Variants in PTH2R observed in about 807,000 individuals in gnomAD.
PTH2R encodes the protein PTH2 receptor.
In PTH2R, 59 loss-of-function variants were observed where a neutral mutation model predicts 60.3. That is an observed-to-expected ratio of 0.98 (90% CI 0.79 to 1.22). The LOEUF is 1.22. PTH2R is among the 50% of genes most tolerant of loss of function. The pLI, the probability that PTH2R is intolerant of heterozygous loss-of-function variation, is 0.00. For synonymous variants in PTH2R, 256 were observed against 243.8 expected (o/e 1.05, Z -0.47); for missense variants, 749 against 682.6 (o/e 1.10, Z -1.08).
rs1700532783 is a variant in PTH2R, at chr2:208,364,076, G to T, written c.-259+3839G>T. Among the ~76,000 whole-genome samples, 6 of 152,152 alleles carry T rather than the reference G, an allele frequency of 3.9e-5. No individual in the cohort carries two copies. The South Asian group carries it at 1.2e-3, about 32-fold the overall frequency. ...TCCATTTTAAAAAATAGAGTAATTT[G>T]ATTATTTTGTTGTTGAATTGTAGGA... On this transcript the variant is annotated intron_variant, in intron 1 of 12. Transcript: ENST00000617735.
intron 1 of PTH2R, among the ~76,000 whole-genome samples, chr2:208,379,639 CA>C (rs1029070371): frequency 2.5e-5 from 3 of 117,822 alleles, no homozygotes; most frequent in Admixed American, 9.6e-5. Context: ...GTGGGCGGAT[CA>C]CTTGAGGTCA....
At chr2:208,438,966 T>C (rs911225495) in intron 4 of PTH2R, among the ~76,000 whole-genome samples, 14 of 152,184 alleles carry the variant, frequency 9.2e-5, no homozygotes, top group Admixed American at 8.5e-4. Flanking sequence ...GATTGTTAGG[T>C]ACTCTACAAT....
chr2:208,449,549 C>A lies in PTH2R; in HGVS notation c.854-1200C>A, dbSNP rs570861123. On this transcript the variant is annotated intron_variant, in intron 7 of 12. Transcript: ENST00000272847. Reference sequence around the variant, plus strand: ...ATTTTGACAAAAAATTCCTAGAACACAGAATTTGAGCAGATTAAAGAAAGA... The same window carrying A: ...ATTTTGACAAAAAATTCCTAGAACAAAGAATTTGAGCAGATTAAAGAAAGA... Among the ~76,000 whole-genome samples the A allele has an allele frequency of 3.3e-5, 5 of 151,932 alleles. 1 individual carries two copies. The highest frequency in any genetic ancestry group is 1.2e-4 in the African/African-American group (5 of 41,460).
chr2:208,459,175 T>A (rs10167699), intron 8 of PTH2R, among the ~76,000 whole-genome samples: 5 of 151,938 alleles, frequency 3.3e-5, no homozygotes, highest in Admixed American at 6.6e-5. Context: ...TATCTCATTG[T>A]GGTTTTGATT....
At chr2:208,483,714 CTAAT>C (rs1703211336) in intron 10 of PTH2R, among the ~76,000 whole-genome samples, 1 of 152,150 alleles carries the variant, frequency 6.6e-6, no homozygotes, top group Non-Finnish European at 1.5e-5. Context: ...ACAGTTTAGA[CTAAT>C]AGAAGTCAGA....
chr2:208,407,816 C>T lies in PTH2R; in HGVS notation c.75+698C>T, dbSNP rs915543381. Among the ~76,000 whole-genome samples the T allele has an allele frequency of 6.6e-5, 10 of 151,918 alleles. No individual in the cohort carries two copies. The East Asian group carries it at 1.2e-3, about 18-fold the overall frequency. Reference sequence around the variant, plus strand: ...GCTTTTCAGATGAGCTAGAGAGATGCGTGTAGTGGTGGATGTTATGCAGTT... The same window carrying T: ...GCTTTTCAGATGAGCTAGAGAGATGTGTGTAGTGGTGGATGTTATGCAGTT... On this transcript the variant is annotated intron_variant, in intron 1 of 12. Transcript: ENST00000272847.
intron 1 of PTH2R, among the ~76,000 whole-genome samples, chr2:208,400,050 G>T (rs1701279751): frequency 2.0e-5 from 3 of 152,044 alleles, no homozygotes; most frequent in African/African-American, 7.2e-5. Flanking sequence ...ATTTCAATAG[G>T]TCTCCAGTTA....
chr2:208,481,532 G>T (rs1703153199), intron 10 of PTH2R, among the ~76,000 whole-genome samples: 1 of 152,000 alleles, frequency 6.6e-6, no homozygotes, highest in South Asian at 2.1e-4. Context: ...TTTAAGTAAA[G>T]AACAGATATA....
At chr2:208,462,251 G>A (rs1244908795) in intron 9 of PTH2R, among the ~76,000 whole-genome samples, 1 of 152,120 alleles carries the variant, frequency 6.6e-6, no homozygotes, top group African/African-American at 2.4e-5. Flanking sequence ...AGAAGGCTGA[G>A]TTAAGAAGGA....
At chr2:208,456,952 A>G (rs1479325010) in intron 8 of PTH2R, among the ~76,000 whole-genome samples, 1 of 152,230 alleles carries the variant, frequency 6.6e-6, no homozygotes, top group Non-Finnish European at 1.5e-5. Flanking sequence ...TCATGTTTTT[A>G]GAGGTAGCTG....
chr2:208,374,125 A>G (rs755838998), intron 1 of PTH2R, among the ~76,000 whole-genome samples: 10 of 151,928 alleles, frequency 6.6e-5, no homozygotes, highest in Non-Finnish European at 1.3e-4. Flanking sequence ...TTGACTATCA[A>G]AATACTTTCA....
chr2:208,453,199 C>T (rs1574887090), intron 8 of PTH2R, among the ~76,000 whole-genome samples: 1 of 152,180 alleles, frequency 6.6e-6, no homozygotes, highest in Admixed American at 6.5e-5. Context: ...TTATCACCTA[C>T]CATTAACTTT....
At chr2:208,365,058 T>TG (rs1700550957) in intron 1 of PTH2R, among the ~76,000 whole-genome samples, 1 of 152,008 alleles carries the variant, frequency 6.6e-6, no homozygotes, top group African/African-American at 2.4e-5. Flanking sequence ...TAACCTGTTT[T>TG]TTTTTTTTGG....
At chr2:208,441,056 A>G (rs1702170788) in intron 4 of PTH2R, among the ~76,000 whole-genome samples, 3 of 152,204 alleles carry the variant, frequency 2.0e-5, no homozygotes, top group East Asian at 1.9e-4. Context: ...CTAGAGATGC[A>G]TAGTTCCCAG....
intron 1 of PTH2R, among the ~76,000 whole-genome samples, chr2:208,420,576 TTAAAC>T (rs1701734789): frequency 6.6e-6 from 1 of 152,218 alleles, no homozygotes; most frequent in Admixed American, 6.5e-5. Context: ...GTTATAGTCA[TTAAAC>T]TAAACAATTC....
At chr2:208,471,424 C>A (rs1473731619) in intron 9 of PTH2R, among the ~76,000 whole-genome samples, 1 of 152,196 alleles carries the variant, frequency 6.6e-6, no homozygotes, top group Non-Finnish European at 1.5e-5. Flanking sequence ...TGCCTTGTGT[C>A]CCAGCTGCTC....
intron 10 of PTH2R, among the ~76,000 whole-genome samples, chr2:208,484,741 G>T (rs887452547): frequency 6.6e-6 from 1 of 151,972 alleles, no homozygotes; most frequent in African/African-American, 2.4e-5. Context: ...TATTTATTAC[G>T]TAGCATGAGA....
intron 9 of PTH2R, among the ~76,000 whole-genome samples, chr2:208,473,204 T>C (rs1702924202): frequency 6.6e-6 from 1 of 152,056 alleles, no homozygotes; most frequent in Non-Finnish European, 1.5e-5. Flanking sequence ...TCTTTGGGGG[T>C]AGGGGGAGGT....
intron 9 of PTH2R, among the ~76,000 whole-genome samples, chr2:208,471,062 G>A (rs183507988): frequency 1.3e-5 from 2 of 152,270 alleles, no homozygotes; most frequent in East Asian, 1.9e-4. Flanking sequence ...TAGGTATCTG[G>A]CAGAAGAAAT....
Sources: gnomAD v4.1 joint callset for allele counts (sites outside exome capture counted in the v4.1 genomes callset) on GRCh38, gnomAD v4.1.1 for gene constraint, MANE v1.5 for transcripts, NCBI Gene and HGNC (gene_info 2026-07-23, HGNC 2026-07-21) for gene names.